The following ANKFN1 variants were observed in gnomAD, a reference collection of about 807,000 sequenced individuals.
ANKFN1 encodes the protein ankyrin repeat and fibronectin type-III domain-containing protein 1.
In ANKFN1, 74 loss-of-function variants were observed where a neutral mutation model predicts 108.7. The ratio of observed to expected loss-of-function variants is 0.68; its 90% CI spans 0.56 to 0.83. ANKFN1 has a LOEUF of 0.83. Ranked by LOEUF, ANKFN1 falls within the 40% of genes least tolerant of loss-of-function variation. The probability of loss-of-function intolerance (pLI) is 0.00; values close to 1 mark genes in which losing one functional copy is unlikely to be tolerated. For missense variants in ANKFN1, 1,505 were observed against 1,382.3 expected, an observed-to-expected ratio of 1.09 and a Z score of -1.41; for synonymous variants, 547 against 516.2, an observed-to-expected ratio of 1.06 and a Z score of -0.81.
chr17:56,408,297 T>G (rs371354569), intron 8 of ANKFN1, among the ~76,000 whole-genome samples: 8 of 152,330 alleles, frequency 5.3e-5, no homozygotes, highest in Admixed American at 3.9e-4. Flanking sequence ...GGTGTCTCTT[T>G]GAATATTATC....
chr17:56,514,377 G>C lies in ANKFN1; in HGVS notation c.*3108G>C, dbSNP rs1264536691. On this transcript the variant is annotated 3_prime_UTR_variant, in exon 21 of 21. Transcript: ENST00000682825. ...CATACATCTTCTCAACAATCTCTTAGAAGAGGCAGGAGCCTGTCTCCTCAG... is the reference window on the plus strand; with the variant it reads ...CATACATCTTCTCAACAATCTCTTACAAGAGGCAGGAGCCTGTCTCCTCAG... Among the ~76,000 whole-genome samples the C allele has an allele frequency of 6.6e-6, 1 of 152,192 alleles. No individual in the cohort carries two copies. The highest frequency in any genetic ancestry group is 6.5e-5 in the Admixed American group (1 of 15,282).
intron 4 of ANKFN1, among the ~76,000 whole-genome samples, chr17:56,067,432 T>G (rs1462005022): frequency 6.6e-6 from 1 of 152,168 alleles, no homozygotes; most frequent in African/African-American, 2.4e-5. Context: ...CTTCTTTATC[T>G]CATGGCCTCT....
intron 4 of ANKFN1, among the ~76,000 whole-genome samples, chr17:56,116,434 G>A (rs1034971839): frequency 3.3e-5 from 5 of 152,120 alleles, no homozygotes; most frequent in African/African-American, 1.2e-4. Context: ...TTGATCCCCA[G>A]TGTTGCAGAT....
chr17:56,047,482 G>T (rs576338338), intron 4 of ANKFN1, among the ~76,000 whole-genome samples: 1 of 152,294 alleles, frequency 6.6e-6, no homozygotes, highest in African/African-American at 2.4e-5. Flanking sequence ...GCCAGGAGTG[G>T]CGTGGTTGGC....
At chr17:56,238,464 CTG>C (rs1236011397) in intron 3 of ANKFN1, among the ~76,000 whole-genome samples, 1 of 152,074 alleles carries the variant, frequency 6.6e-6, no homozygotes, top group Non-Finnish European at 1.5e-5. Context: ...CAAGGTGCTC[CTG>C]TGTTGAGTAT....
chr17:56,237,760 T>C (rs1178086295), intron 3 of ANKFN1, among the ~76,000 whole-genome samples: 1 of 152,118 alleles, frequency 6.6e-6, no homozygotes, highest in Non-Finnish European at 1.5e-5. Context: ...GGTTTTTTTT[T>C]GTGTCTCAAT....
intron 4 of ANKFN1, among the ~76,000 whole-genome samples, chr17:56,115,552 C>T (rs375163899): frequency 7.2e-5 from 11 of 152,198 alleles, no homozygotes; most frequent in African/African-American, 1.9e-4. Context: ...ACAAACAAAA[C>T]AGTTATAACC....
At chr17:56,435,705 G>A (rs2048908316) in intron 8 of ANKFN1, among the ~76,000 whole-genome samples, 1 of 151,746 alleles carries the variant, frequency 6.6e-6, no homozygotes, top group Non-Finnish European at 1.5e-5. Context: ...TGAGGCATTT[G>A]AGATTTTAGG....
chr17:56,370,419 T>C (rs1351649908), intron 6 of ANKFN1, among the ~76,000 whole-genome samples: 2 of 152,188 alleles, frequency 1.3e-5, no homozygotes, highest in Non-Finnish European at 2.9e-5. Flanking sequence ...CAGTAATAAC[T>C]GTTGTGGATA....
At chr17:56,421,013 CT>C (rs1164124484) in intron 8 of ANKFN1, among the ~76,000 whole-genome samples, 1 of 152,102 alleles carries the variant, frequency 6.6e-6, no homozygotes, top group Non-Finnish European at 1.5e-5. Flanking sequence ...CGGCCGACTC[CT>C]TCTTTTAAAA....
At chr17:56,449,892 A>G (rs975189909) in intron 11 of ANKFN1, among the ~76,000 whole-genome samples, 1 of 152,180 alleles carries the variant, frequency 6.6e-6, no homozygotes, top group African/African-American at 2.4e-5. Flanking sequence ...TAGAGCACAT[A>G]TTCCCTAGAC....
chr17:56,284,703 A>G (rs2044171945), intron 3 of ANKFN1, among the ~76,000 whole-genome samples: 1 of 152,232 alleles, frequency 6.6e-6, no homozygotes, highest in Admixed American at 6.5e-5. Context: ...GCACCATGCA[A>G]TGGCACAAAA....
chr17:56,210,065 G>GATAC (rs550196091), intron 1 of ANKFN1, among the ~76,000 whole-genome samples: 28 of 118,862 alleles, frequency 2.4e-4, no homozygotes, highest in African/African-American at 6.9e-5. Context: ...TAGATACATA[G>GATAC]ATAGATAGAT....
At chr17:56,395,959 G>A (rs1405444116) in intron 8 of ANKFN1, among the ~76,000 whole-genome samples, 2 of 152,172 alleles carry the variant, frequency 1.3e-5, no homozygotes, top group Non-Finnish European at 2.9e-5. Context: ...AACATCTGTA[G>A]AGTAATAGTT....
intron 1 of ANKFN1, among the ~76,000 whole-genome samples, chr17:56,162,983 C>G (rs779330753): frequency 6.7e-6 from 1 of 150,068 alleles, no homozygotes; most frequent in Admixed American, 6.7e-5. Flanking sequence ...TGCAGTGAGC[C>G]GAGATCGCGC....
chr17:56,286,893 T>G (rs1194085819), intron 3 of ANKFN1, among the ~76,000 whole-genome samples: 2 of 152,144 alleles, frequency 1.3e-5, no homozygotes, highest in Non-Finnish European at 2.9e-5. Context: ...TTGGGAAATA[T>G]AATCAGCCAC....
At position 56,350,887 on chromosome 17, in the gene ANKFN1, C is replaced by G. The variant is rs753771498; in HGVS notation, c.310C>G (p.Leu104Val). The change falls in exon 5 of 21, where the codon CTG becomes GTG. Residue 104 changes from leucine to valine, a missense_variant. Coordinates refer to ENST00000682825, the MANE Select transcript of ANKFN1 (RefSeq NM_001370326.1). ...CCTGTACAGGAACCTCTCTGAGAAA[C>G]TGAAAGGGAGCCACTCTTCCTTCGA... is the stretch of plus-strand genomic sequence containing the variant. ...KRLYRNLSEK[L>V]KGSHSSFDEA... is the part of the protein sequence containing the mutation. 17 of 1,613,684 alleles carry G rather than the reference C, an allele frequency of 1.1e-5. No homozygotes were observed. The highest frequency in any genetic ancestry group is 1.4e-5 in the Non-Finnish European group (17 of 1,179,886).
chr17:56,329,573 T>C (rs1056622240), intron 4 of ANKFN1, among the ~76,000 whole-genome samples: 1 of 152,172 alleles, frequency 6.6e-6, no homozygotes, highest in African/African-American at 2.4e-5. Flanking sequence ...ATCTCAAATC[T>C]AGAATCATAC....
chr17:56,210,376 T>C (rs1037847726), intron 1 of ANKFN1, among the ~76,000 whole-genome samples: 1 of 152,234 alleles, frequency 6.6e-6, no homozygotes, highest in Non-Finnish European at 1.5e-5. Context: ...GTGTTCCCTT[T>C]TCACCACATC....
Sources: allele counts gnomAD v4.1 joint callset (sites outside exome capture counted in the v4.1 genomes callset), GRCh38; gene constraint gnomAD v4.1.1; transcripts MANE v1.5; gene names NCBI Gene and HGNC (gene_info 2026-07-23, HGNC 2026-07-21).